FCRL5: variants seen among roughly 807,000 people sequenced by gnomAD.
The protein encoded by FCRL5 is Fc receptor like 5.
In FCRL5, 79 loss-of-function variants were observed where a neutral mutation model predicts 92.1. The observed-to-expected ratio is 0.86, with a 90% confidence interval of 0.72 to 1.03. The LOEUF is 1.03. Among genes scored for constraint, FCRL5 ranks in the 50% least tolerant of loss-of-function variants. The pLI is 0.00. For synonymous variants in FCRL5, 466 were observed against 469.3 expected (o/e 0.99, Z 0.09); for missense variants, 1,160 against 1,181.1 (o/e 0.98, Z 0.26).
In FCRL5 at chr1:157,515,536, T is replaced by G; in HGVS notation, c.*139A>C. 4.5e-6 allele frequency: 7 copies of G among 1,569,430 alleles called. No homozygotes were observed. Among genetic ancestry groups the G allele is most frequent in the African/African-American group, 1.3e-5 (1 of 74,188 alleles). The stretch of plus-strand genomic sequence containing the variant: ...GCAGGGCCCTGCATTCTGGTCAGAC[T>G]GAGAATGAGGACATGTGAAACAAAG... On this transcript the variant is annotated 3_prime_UTR_variant, in exon 17 of 17. Coordinates refer to ENST00000361835, the MANE Select transcript of FCRL5 (RefSeq NM_031281.3).
chr1:157,518,323 G>A (rs1015409521), intron 15 of FCRL5, 106 bp downstream of exon 15: 3 of 924,804 alleles, frequency 3.2e-6, no homozygotes, highest in Non-Finnish European at 5.2e-6. Context: ...CCCAGTGGGA[G>A]GGGCGGCTCT....
Position 157,536,078 on chromosome 1 carries a change from G to A in FCRL5, c.1403-1186C>T, listed in dbSNP as rs530414515. Among the ~76,000 whole-genome samples, 11 of 151,194 alleles carry A rather than the reference G, an allele frequency of 7.3e-5. No homozygotes were observed. In the East Asian group the frequency reaches 7.8e-4, roughly 11 times the overall value. On this transcript the variant is annotated intron_variant, in intron 7 of 16. Coordinates refer to ENST00000361835, the MANE Select transcript of FCRL5 (RefSeq NM_031281.3). ...TGCATCAGCCTCCTGAGTAGCTGGC[G>A]TTACAGGCGACCGCCACCACACCTG... is the stretch of plus-strand genomic sequence containing the variant.
chr1:157,535,011 G>A, intron 7 of FCRL5, 119 bp from the exon 8 acceptor site: 1 of 886,724 alleles, frequency 1.1e-6, no homozygotes, highest in Non-Finnish European at 1.6e-6. Flanking sequence ...CCTACCTGGA[G>A]GGCAGCCAAG....
At chr1:157,531,606 G>T (rs2101617894) in intron 8 of FCRL5, among the ~76,000 whole-genome samples, 2 of 151,932 alleles carry the variant, frequency 1.3e-5, no homozygotes, top group East Asian at 3.9e-4. Flanking sequence ...AATAAAATGT[G>T]GAATATATGC....
At chr1:157,530,478 T>G (rs1650647887) in intron 8 of FCRL5, among the ~76,000 whole-genome samples, 1 of 152,358 alleles carries the variant, frequency 6.6e-6, no homozygotes, top group African/African-American at 2.4e-5. Context: ...GCGATTCTCC[T>G]GCCTCAGCCT....
intron 11 of FCRL5, 100 bp from the exon 12 acceptor site, chr1:157,520,647 A>G: frequency 7.0e-6 from 6 of 852,368 alleles, no homozygotes; most frequent in South Asian, 6.8e-5. Flanking sequence ...AACCTAGGTG[A>G]GCAGGTCCCC....
chr1:157,518,348 C>G, intron 15 of FCRL5, 81 bp downstream of exon 15: 1 of 1,260,358 alleles, frequency 7.9e-7, no homozygotes, highest in South Asian at 1.3e-5. Context: ...CTGTCTGGCT[C>G]AGATCTGCTG....
intron 10 of FCRL5, among the ~76,000 whole-genome samples, chr1:157,523,164 C>T (rs1474826128): frequency 6.6e-6 from 1 of 152,196 alleles, no homozygotes; most frequent in African/African-American, 2.4e-5. Context: ...CTTATGATAC[C>T]CAGGCACCTT....
rs530469594 is a variant in FCRL5, at chr1:157,530,354, A to G, written c.1682-2459T>C. Among the ~76,000 whole-genome samples, 7 of 152,294 alleles carry G rather than the reference A, an allele frequency of 4.6e-5. No individual in the cohort carries two copies. The South Asian group carries it at 1.2e-3, about 27-fold the overall frequency. On this transcript the variant is annotated intron_variant, in intron 8 of 16. Coordinates refer to ENST00000361835, the MANE Select transcript of FCRL5 (RefSeq NM_031281.3). ...TTTACAACTTGATAATTTTGGAAAT[A>G]TATTACCTGATTTTATTTTATTTTA...
chr1:157,527,533 G>C, intron 9 of FCRL5, 84 bp downstream of exon 9: 1 of 1,380,750 alleles, frequency 7.2e-7, no homozygotes, highest in Non-Finnish European at 9.8e-7. Flanking sequence ...AATGACTCTA[G>C]AAACTGTACC....
Position 157,514,756 on chromosome 1 carries a change from A to T in FCRL5, c.*919T>A, listed in dbSNP as rs947948255. 6.6e-6 allele frequency: 1 copy of T among 152,276 alleles called. No homozygotes were observed. Among genetic ancestry groups the T allele is most frequent in the South Asian group, 2.1e-4 (1 of 4,830 alleles). The allele number at this position is 152,276 out of a possible 1,614,324, so 9.4% of individuals were successfully genotyped here. On this transcript the variant is annotated 3_prime_UTR_variant, in exon 17 of 17. Coordinates refer to ENST00000361835, the MANE Select transcript of FCRL5 (RefSeq NM_031281.3). ...TGAGAAGCCCTTCCTCTTGCTGAAC[A>T]GTTTCCTCATCCAAGCTCCTTCTCT... is the stretch of plus-strand genomic sequence containing the variant.
At chr1:157,520,204 G>A (rs1454124081) in intron 12 of FCRL5, among the ~76,000 whole-genome samples, 1 of 152,126 alleles carries the variant, frequency 6.6e-6, no homozygotes, top group Non-Finnish European at 1.5e-5. Flanking sequence ...TATGATGTTG[G>A]ATAAACTACA....
intron 7 of FCRL5, among the ~76,000 whole-genome samples, chr1:157,538,577 T>C (rs1651088863): frequency 6.6e-6 from 1 of 152,220 alleles, no homozygotes; most frequent in Non-Finnish European, 1.5e-5. Flanking sequence ...TCTTACCTAC[T>C]GCCCAATCAA....
Position 157,534,779 on chromosome 1 carries a change from G to A in FCRL5, c.1516C>T (p.Gln506Ter). 1 of 1,613,886 alleles carries A rather than the reference G, an allele frequency of 6.2e-7. No homozygotes were observed. The change falls in exon 8 of 17, where the codon CAG becomes TAG. Residue 506 changes from glutamine (Q) to a stop codon, truncating the protein, a stop_gained. Transcript: ENST00000361835. LOFTEE classifies it high-confidence loss of function. ...AGGGGCATGTCCTCATGATAAAACT[G>A]GTATAGGATTTGTGGGGAACCTCTC... The part of the protein sequence containing the change: ...VQRGSPQILY[Q>*]FYHEDMPLWS...
intron 8 of FCRL5, among the ~76,000 whole-genome samples, chr1:157,529,594 CATGTGT>C (rs1558132180): frequency 1.5e-5 from 1 of 64,824 alleles, no homozygotes; most frequent in African/African-American, 3.1e-5. Context: ...GATACATACG[CATGTGT>C]GTGTGTGTGT....
In FCRL5 at chr1:157,530,122, G is replaced by A. The variant is rs12062945; in HGVS notation, c.1682-2227C>T. 8.5e-3 allele frequency among the ~76,000 whole-genome samples: 1,290 copies of A among 152,068 alleles called. 22 individuals are homozygous for A. Among genetic ancestry groups the A allele is most frequent in the African/African-American group, 0.029 (1,184 of 41,456 alleles). ...CTTTCTAGATCTTTTCTATGTATAAGTACACTCATAGACACATAAATAAAT... is the reference window on the plus strand; with the variant it reads ...CTTTCTAGATCTTTTCTATGTATAAATACACTCATAGACACATAAATAAAT... On this transcript the variant is annotated intron_variant, in intron 8 of 16. Transcript: ENST00000361835.
At chr1:157,519,010 C>T (rs1401217462) in intron 13 of FCRL5, 10 of 395,154 alleles carry the variant, frequency 2.5e-5, no homozygotes, top group Non-Finnish European at 1.3e-5. Flanking sequence ...CTGATGCTTA[C>T]AGCAATACGT....
At chr1:157,521,468 C>A in intron 10 of FCRL5, 176 bp from the exon 11 acceptor site, 1 of 661,190 alleles carries the variant, frequency 1.5e-6, no homozygotes, top group Non-Finnish European at 2.4e-6. Flanking sequence ...CAAAAATATC[C>A]AATAGAAAAC....
intron 11 of FCRL5, 151 bp from the exon 12 acceptor site, chr1:157,520,698 C>T: frequency 1.5e-6 from 1 of 645,560 alleles, no homozygotes; most frequent in African/African-American, 1.8e-5. Context: ...AAGATGGCTC[C>T]TGTCTTTGTG....
Sources: gnomAD v4.1 joint callset for allele counts (sites outside exome capture counted in the v4.1 genomes callset) on GRCh38, gnomAD v4.1.1 for gene constraint, MANE v1.5 for transcripts, NCBI Gene and HGNC (gene_info 2026-07-23, HGNC 2026-07-21) for gene names.